Variants in AAMDC observed in about 807,000 individuals in gnomAD.
The protein encoded by AAMDC is adipogenesis associated Mth938 domain containing.
AAMDC carries 16 observed loss-of-function variants against 15.5 expected under a neutral mutation model. That is an observed-to-expected ratio of 1.03 (90% confidence interval 0.70 to 1.57). AAMDC has a LOEUF of 1.57. Among genes scored for constraint, AAMDC ranks in the 40% most tolerant of loss-of-function variants. The pLI is 0.00. For synonymous variants in AAMDC, 51 were observed against 51.6 expected (o/e 0.99, Z 0.05); for missense variants, 141 against 144.9 (o/e 0.97, Z 0.14).
intron 1 of AAMDC, among the ~76,000 whole-genome samples, chr11:77,834,569 C>A (rs1421508402): frequency 6.6e-6 from 1 of 151,614 alleles, no homozygotes; most frequent in African/African-American, 2.4e-5. Flanking sequence ...TACATACCAC[C>A]TCGTTCAGCT....
chr11:77,868,457 C>T (rs1951232136), intron 2 of AAMDC, among the ~76,000 whole-genome samples: 1 of 149,158 alleles, frequency 6.7e-6, no homozygotes, highest in Non-Finnish European at 1.5e-5. Context: ...CTCCCAGGTT[C>T]AAGTGATTCT....
chr11:77,901,768 T>A (rs1180378550), downstream of AAMDC, among the ~76,000 whole-genome samples: 3 of 151,898 alleles, frequency 2.0e-5, no homozygotes. Flanking sequence ...GGTAATAAAA[T>A]CATCTTAGTT....
At chr11:77,900,852 G>A (rs1160035095), downstream of AAMDC, 18 of 530,254 alleles carry the variant, frequency 3.4e-5, no homozygotes, top group Middle Eastern at 4.9e-4. Context: ...CAAGTACCAT[G>A]CTAAGTGTTT....
chr11:77,852,997 GA>G (rs1478834666), intron 2 of AAMDC, among the ~76,000 whole-genome samples: 1 of 152,092 alleles, frequency 6.6e-6, no homozygotes, highest in Non-Finnish European at 1.5e-5. Flanking sequence ...ATACTACATT[GA>G]ATAACCATGT....
At chr11:77,884,233 T>C (rs1951901585) in intron 5 of AAMDC, among the ~76,000 whole-genome samples, 1 of 152,186 alleles carries the variant, frequency 6.6e-6, no homozygotes, top group Non-Finnish European at 1.5e-5. Flanking sequence ...ATTCTTATTA[T>C]GAAAAGTGTT....
chr11:77,885,824 A>T (rs1046238317), intron 5 of AAMDC, among the ~76,000 whole-genome samples: 1 of 151,956 alleles, frequency 6.6e-6, no homozygotes, highest in Non-Finnish European at 1.5e-5. Flanking sequence ...TGTCTCAAAA[A>T]AAAGAAAGAA....
rs371038818 is a variant in AAMDC, at chr11:77,868,643, CT to C, written c.133-1068del. Reference sequence around the variant, plus strand: ...GGTGTGAGCCACCATACCTGGCCACCTTTTTTTTTTTAATGTACAGTCCAGA... The same window carrying C: ...GGTGTGAGCCACCATACCTGGCCACCTTTTTTTTTTAATGTACAGTCCAGA... On this transcript the variant is annotated intron_variant, in intron 2 of 3. Transcript: ENST00000393427. 3.1e-3 allele frequency: 461 copies of C among 146,674 alleles called. 1 individual carries two copies. The highest frequency in any genetic ancestry group is 7.4e-3 in the East Asian group (37 of 5,012). 9.1% of individuals were successfully genotyped at this position (146,674 alleles called of 1,614,324 possible).
downstream of AAMDC, chr11:77,876,998 C>T (rs1484655799): frequency 2.8e-6 from 2 of 703,158 alleles, no homozygotes; most frequent in Non-Finnish European, 5.2e-6. Context: ...GGCTGTGGTA[C>T]AATTCCACCT....
chr11:77,869,087 T>C, intron 2 of AAMDC: 1 of 284,000 alleles, frequency 3.5e-6, no homozygotes, highest in Non-Finnish European at 6.8e-6. Context: ...GTATCACCTG[T>C]CTCATAGATT....
intron 2 of AAMDC, among the ~76,000 whole-genome samples, chr11:77,854,670 C>T (rs925740502): frequency 8.5e-5 from 13 of 152,158 alleles, no homozygotes; most frequent in South Asian, 2.1e-4. Context: ...TGGCTGCTTT[C>T]GTGGGCTGGC....
intron 5 of AAMDC, chr11:77,883,934 G>A (rs1951889006): frequency 1.2e-6 from 2 of 1,613,154 alleles, no homozygotes; most frequent in Non-Finnish European, 1.7e-6. Context: ...ATCTGAGCCT[G>A]GCCATCTGGA....
intron 5 of AAMDC, among the ~76,000 whole-genome samples, chr11:77,877,764 A>G (rs1382878348): frequency 2.6e-5 from 4 of 151,822 alleles, no homozygotes; most frequent in Non-Finnish European, 5.9e-5. Flanking sequence ...TTTTTTTTAA[A>G]CAGAGATGGG....
At position 77,832,963 on chromosome 11, in the gene AAMDC, G is replaced by A. The variant is rs1379494926; in HGVS notation, c.-18-9516G>A. 2.1e-3 allele frequency among the ~76,000 whole-genome samples: 57 copies of A among 26,794 alleles called. 1 individual carries two copies. Among genetic ancestry groups the A allele is most frequent in the African/African-American group, 9.6e-3 (47 of 4,910 alleles). The allele number at this position is 26,794 out of a possible 152,430, so 17.6% of individuals were successfully genotyped here. A position where few individuals can be genotyped will look rare whatever the true frequency, so the allele number is the denominator to read the frequency against. On this transcript the variant is annotated intron_variant, in intron 1 of 3. Transcript: ENST00000393427. ...ATTGTATATATATATGTGTGTGTGTGTGTGTGTGTGTGTGTGTGTGTGTGT... is the reference window on the plus strand; with the variant it reads ...ATTGTATATATATATGTGTGTGTGTATGTGTGTGTGTGTGTGTGTGTGTGT...
rs1319083042 is a variant in AAMDC at position 77,842,629 on chromosome 11, G to T, written c.132+1G>T. ...GGATTGGAGAGAAACAGGAACTGAG[G>T]TAAGATATTAGTCTTTGGTTGATAC... On this transcript the variant is annotated splice_donor_variant, in intron 2 of 3. Coordinates refer to ENST00000393427, the MANE Select transcript of AAMDC (RefSeq NM_024684.4). LOFTEE classifies it high-confidence loss of function. The T allele has an allele frequency of 1.9e-6, 3 of 1,613,722 alleles. No individual in the cohort carries two copies. The highest frequency in any genetic ancestry group is 2.5e-6 in the Non-Finnish European group (3 of 1,179,870).
intron 3 of AAMDC, among the ~76,000 whole-genome samples, chr11:77,870,449 G>A (rs1951372339): frequency 1.4e-5 from 2 of 140,034 alleles, no homozygotes; most frequent in South Asian, 4.4e-4. Flanking sequence ...CCATTCTCCT[G>A]TCTCAGCCTC....
At chr11:77,848,278 C>A (rs1370803455) in intron 2 of AAMDC, among the ~76,000 whole-genome samples, 2 of 152,192 alleles carry the variant, frequency 1.3e-5, no homozygotes, top group Non-Finnish European at 2.9e-5. Flanking sequence ...TTGAGAGATC[C>A]ATTTCCCTTC....
At chr11:77,887,554 G>A (rs1182156681) in intron 5 of AAMDC, among the ~76,000 whole-genome samples, 4 of 152,156 alleles carry the variant, frequency 2.6e-5, no homozygotes, top group Non-Finnish European at 5.9e-5. Flanking sequence ...TCAACATAGT[G>A]TTGGAAGTGC....
intron 2 of AAMDC, among the ~76,000 whole-genome samples, chr11:77,862,022 G>C (rs1950901194): frequency 6.6e-6 from 1 of 152,142 alleles, no homozygotes; most frequent in Admixed American, 6.6e-5. Context: ...AAGGCGGTAG[G>C]ATTTTCTTCC....
downstream of AAMDC, among the ~76,000 whole-genome samples, chr11:77,875,318 A>G (rs1951566200): frequency 6.6e-6 from 1 of 152,220 alleles, no homozygotes; most frequent in Non-Finnish European, 1.5e-5. Flanking sequence ...TAAGGCGTGT[A>G]AACATTACAG....
Sources: gnomAD v4.1 joint callset for allele counts (sites outside exome capture counted in the v4.1 genomes callset) on GRCh38, gnomAD v4.1.1 for gene constraint, MANE v1.5 for transcripts, NCBI Gene and HGNC (gene_info 2026-07-23, HGNC 2026-07-21) for gene names.